The following PLEKHS1 variants were observed in gnomAD, a reference collection of about 807,000 sequenced individuals.
The protein encoded by PLEKHS1 is pleckstrin homology domain containing S1.
A neutral mutation model predicts 51.0 loss-of-function variants in PLEKHS1; 55 were observed. The observed-to-expected ratio is 1.08, with a 90% CI of 0.87 to 1.35. The LOEUF (loss-of-function observed/expected upper bound fraction) is 1.35. Among genes scored for constraint, PLEKHS1 ranks in the 40% most tolerant of loss-of-function variants. PLEKHS1 has a pLI of 0.00. For synonymous variants in PLEKHS1, 153 were observed against 144.8 expected (o/e 1.06, Z -0.41); for missense variants, 398 against 423.0 (o/e 0.94, Z 0.52).
In PLEKHS1 at chr10:113,775,751, T is replaced by C; in HGVS notation, c.990-14T>C. On this transcript the variant is annotated splice_polypyrimidine_tract_variant and intron_variant, in intron 10 of 11. Coordinates refer to ENST00000361048, the Ensembl canonical transcript of PLEKHS1. Reference sequence around the variant, plus strand: ...AGTTGCCTGATGTGACTTTTACAAATGTCTTGTTCATAGTAATATCCCCGA... The same window carrying C: ...AGTTGCCTGATGTGACTTTTACAAACGTCTTGTTCATAGTAATATCCCCGA... 1 of 1,594,836 alleles carries C rather than the reference T, an allele frequency of 6.3e-7. No homozygotes were observed. Among genetic ancestry groups the C allele is most frequent in the South Asian group, 1.1e-5 (1 of 88,400 alleles).
chr10:113,776,598 A>G lies in PLEKHS1; in HGVS notation c.1091+732A>G, dbSNP rs1242818543. On this transcript the variant is annotated intron_variant, in intron 11 of 11. Transcript: ENST00000361048. ...GACTCCTCCATAACTGAGCTGCTAC[A>G]TTCCTTAATTCATTTATTTGTTCAT... Among the ~76,000 whole-genome samples the G allele has an allele frequency of 5.3e-5, 8 of 152,334 alleles. No individual in the cohort carries two copies. The East Asian group carries it at 1.5e-3, about 29-fold the overall frequency.
intron 1 of PLEKHS1, 112 bp from the exon 2 acceptor site, chr10:113,755,147 A>G: frequency 8.2e-7 from 1 of 1,213,742 alleles, no homozygotes; most frequent in Admixed American, 2.8e-5. Flanking sequence ...CTCACAACCC[A>G]TCTCAGCAAC....
intron 10 of PLEKHS1, 150 bp downstream of exon 10, chr10:113,775,185 A>T: frequency 5.7e-6 from 4 of 703,478 alleles, no homozygotes; most frequent in Admixed American, 2.8e-5. Flanking sequence ...CCTGTCATTG[A>T]TGTTGTGGCC....
rs1025375271 is a variant in PLEKHS1, at chr10:113,776,631, T to C, written c.1091+765T>C. Among the ~76,000 whole-genome samples the C allele has an allele frequency of 2.0e-5, 3 of 152,350 alleles. No individual in the cohort carries two copies. The East Asian group carries it at 5.8e-4, about 29-fold the overall frequency. ...ATTCATTTATTTGTTCATTATATAT[T>C]CATTGTATAATCATTACACCCTCAC... On this transcript the variant is annotated intron_variant, in intron 11 of 11. Coordinates refer to ENST00000361048, the Ensembl canonical transcript of PLEKHS1.
intron 8 of PLEKHS1, 78 bp downstream of exon 8, chr10:113,772,167 A>G (rs965875250): frequency 2.1e-5 from 31 of 1,491,696 alleles, no homozygotes; most frequent in Non-Finnish European, 2.8e-5. Context: ...TTTTCGTGCA[A>G]TATTAGGCTA....
chr10:113,773,427 G>GATAAATAA (rs139521980), intron 8 of PLEKHS1, among the ~76,000 whole-genome samples: 151 of 147,764 alleles, frequency 1.0e-3, no homozygotes, highest in East Asian at 5.5e-3. Flanking sequence ...AAAGACCAAA[G>GATAAATAA]ATAAATAAAT....
chr10:113,780,619 C>A (rs201435892), exon 12 of PLEKHS1: 2 of 1,613,506 alleles, frequency 1.2e-6, no homozygotes, highest in Non-Finnish European at 8.5e-7. Flanking sequence ...AGCTTACCAT[C>A]GGCAGGATCC....
chr10:113,768,401 T>C (rs1428825452), intron 5 of PLEKHS1, among the ~76,000 whole-genome samples: 1 of 152,178 alleles, frequency 6.6e-6, no homozygotes, highest in Non-Finnish European at 1.5e-5. Context: ...TGTGAGTCCA[T>C]AGAAAAGATG....
chr10:113,777,380 T>G, intron 11 of PLEKHS1, 121 bp downstream of exon 12: 1 of 1,609,934 alleles, frequency 6.2e-7, no homozygotes, highest in Non-Finnish European at 8.5e-7. Flanking sequence ...TCTTCCACCA[T>G]CAAGTGCAAA....
At chr10:113,767,534 C>A in intron 5 of PLEKHS1, 55 bp downstream of exon 5, 1 of 1,501,926 alleles carries the variant, frequency 6.7e-7, no homozygotes, top group Non-Finnish European at 8.9e-7. Context: ...AAAAACAAAC[C>A]AAAAAACAAA....
chr10:113,757,176 G>A (rs1854161319), intron 2 of PLEKHS1, among the ~76,000 whole-genome samples: 1 of 152,188 alleles, frequency 6.6e-6, no homozygotes, highest in Non-Finnish European at 1.5e-5. Context: ...GCCTCCCAAA[G>A]TGCTGGGATT....
intron 2 of PLEKHS1, among the ~76,000 whole-genome samples, chr10:113,763,726 C>T (rs1844044755): frequency 6.6e-6 from 1 of 152,148 alleles, no homozygotes; most frequent in Non-Finnish European, 1.5e-5. Context: ...CCATTTTTCC[C>T]TATTGGCCTT....
intron 2 of PLEKHS1, among the ~76,000 whole-genome samples, chr10:113,759,221 T>A (rs1283989701): frequency 6.6e-6 from 1 of 152,104 alleles, no homozygotes; most frequent in African/African-American, 2.4e-5. Flanking sequence ...CTGGCCAACA[T>A]GGTGAAGCCC....
chr10:113,754,611 C>T (rs976624879), intron 1 of PLEKHS1, among the ~76,000 whole-genome samples: 17 of 152,150 alleles, frequency 1.1e-4, no homozygotes, highest in African/African-American at 3.4e-4. Flanking sequence ...GGATTACAGG[C>T]GAGCACTAGG....
intron 5 of PLEKHS1, among the ~76,000 whole-genome samples, chr10:113,767,742 G>A (rs1291322582): frequency 3.9e-5 from 6 of 152,072 alleles, no homozygotes; most frequent in Admixed American, 2.0e-4. Flanking sequence ...CTAGGAGTCC[G>A]AAATTAAGGT....
At chr10:113,753,545 G>T (rs552212728) in intron 1 of PLEKHS1, among the ~76,000 whole-genome samples, 1 of 152,198 alleles carries the variant, frequency 6.6e-6, no homozygotes, top group East Asian at 1.9e-4. Flanking sequence ...AGGGCTAAGG[G>T]CACCGGTTCT....
chr10:113,766,416 C>T lies in PLEKHS1; in HGVS notation c.34C>T (p.Gln12Ter). 1 of 1,561,770 alleles carries T rather than the reference C, an allele frequency of 6.4e-7. No individual in the cohort carries two copies. Residue 12 changes from glutamine to a stop codon, truncating the protein, a stop_gained, in exon 3 of 12, where the codon CAA (glutamine) becomes TAA (stop). Coordinates refer to ENST00000361048, the Ensembl canonical transcript of PLEKHS1. LOFTEE classifies it high-confidence loss of function. Reference sequence around the variant, plus strand: ...GTTCTGTTCACTTTTATTAGGCAAACAATTTACATTTTCTTATGAAAATGA... The same window carrying T: ...GTTCTGTTCACTTTTATTAGGCAAATAATTTACATTTTCTTATGAAAATGA...
chr10:113,767,306 A>T (rs1428204073), intron 4 of PLEKHS1, 39 bp from the exon 5 acceptor site: 1 of 1,458,382 alleles, frequency 6.9e-7, no homozygotes, highest in Non-Finnish European at 9.2e-7. Flanking sequence ...CTATTTCTGT[A>T]TTTACCTTGG....
Position 113,778,884 on chromosome 10 carries a change from G to A in PLEKHS1, c.*-1718G>A, listed in dbSNP as rs1844783222. ...CTGACCTCGTGATCCGCCCGCCTCG[G>A]CCTCCCAAAGTGCTGGGATTACAGG... On this transcript the variant is annotated intron_variant, in intron 11 of 11. Transcript: ENST00000361048. Among the ~76,000 whole-genome samples, 3 of 152,160 alleles carry A rather than the reference G, an allele frequency of 2.0e-5. No homozygotes were observed. The South Asian group carries it at 6.2e-4, about 32-fold the overall frequency.
Sources: allele counts gnomAD v4.1 joint callset (sites outside exome capture counted in the v4.1 genomes callset), GRCh38; gene constraint gnomAD v4.1.1; transcripts MANE v1.5; gene names NCBI Gene and HGNC (gene_info 2026-07-23, HGNC 2026-07-21).